Variants in RPTOR observed in about 807,000 individuals in gnomAD.
RPTOR encodes the protein regulatory-associated protein of mTOR.
Under a neutral mutation model 169.9 loss-of-function variants are expected in RPTOR, and 21 were observed. That is an observed-to-expected ratio of 0.12 (90% CI 0.09 to 0.18). RPTOR has a LOEUF of 0.18. Among genes scored for constraint, RPTOR ranks in the 10% least tolerant of loss-of-function variants. RPTOR has a pLI of 1.00. For missense variants in RPTOR, 1,133 were observed against 1,855.9 expected, an observed-to-expected ratio of 0.61 and a Z score of 7.16; for synonymous variants, 732 against 753.2, an observed-to-expected ratio of 0.97 and a Z score of 0.46.
chr17:80,863,259 C>T (rs1181913056), intron 13 of RPTOR, among the ~76,000 whole-genome samples: 2 of 152,148 alleles, frequency 1.3e-5, no homozygotes, highest in Non-Finnish European at 2.9e-5. Context: ...AGCCGTCTGT[C>T]CAGGATTCTC....
chr17:80,898,126 G>T (rs568204786), intron 20 of RPTOR, among the ~76,000 whole-genome samples: 7 of 152,278 alleles, frequency 4.6e-5, no homozygotes, highest in Non-Finnish European at 7.4e-5. Flanking sequence ...CTTTAATGCT[G>T]ATAGGATTAT....
At chr17:80,691,109 A>G (rs964595749) in intron 3 of RPTOR, among the ~76,000 whole-genome samples, 1 of 152,180 alleles carries the variant, frequency 6.6e-6, no homozygotes, top group African/African-American at 2.4e-5. Context: ...TTATTTGTTA[A>G]CTGGAGTATC....
At chr17:80,602,193 G>C (rs1479173557) in intron 1 of RPTOR, among the ~76,000 whole-genome samples, 1 of 67,862 alleles carries the variant, frequency 1.5e-5, no homozygotes, top group Admixed American at 1.1e-4. Flanking sequence ...GGCCGGGCGG[G>C]GGGCTGACCC....
rs2060260266 is a variant in RPTOR at position 80,695,487 on chromosome 17, C to T, written c.349-12354C>T. Reference sequence around the variant, plus strand: ...CTGTTACAGAGGGGCAGGTGGGTGGCTCACGTGTGGGCTCACCTGCGTCAC... The same window carrying T: ...CTGTTACAGAGGGGCAGGTGGGTGGTTCACGTGTGGGCTCACCTGCGTCAC... On this transcript the variant is annotated intron_variant, in intron 3 of 33. Transcript: ENST00000306801. This position sits in a 1 kb window ranked among gnomAD's most constrained non-coding sequence, Gnocchi z 4.9. Among the ~76,000 whole-genome samples, 1 of 152,140 alleles carries T rather than the reference C, an allele frequency of 6.6e-6. No individual in the cohort carries two copies. The highest frequency in any genetic ancestry group is 6.5e-5 in the Admixed American group (1 of 15,278).
chr17:80,685,199 G>GCACCTCATTCGGGGT, intron 3 of RPTOR, among the ~76,000 whole-genome samples: 1 of 151,262 alleles, frequency 6.6e-6, no homozygotes, highest in African/African-American at 2.4e-5. Context: ...ATTCAGGGTC[G>GCACCTCATTCGGGGT]CTTGTTGCGT....
rs2067408225 is a variant in RPTOR, at chr17:80,823,673, ACACAC to A, written c.1136+451_1136+455del. The A allele has an allele frequency of 1.3e-5, 2 of 153,530 alleles. No individual in the cohort carries two copies. Among genetic ancestry groups the A allele is most frequent in the African/African-American group, 2.6e-5 (1 of 38,556 alleles). 9.5% of individuals were successfully genotyped at this position (153,530 alleles called of 1,614,324 possible). A position where few individuals can be genotyped will look rare whatever the true frequency, so the allele number is the denominator to read the frequency against. ...CACACACACACACACACACACACACACACACAACGCTCATAAGTGTAATCCTTTAT... is the reference window on the plus strand; with the variant it reads ...CACACACACACACACACACACACACAAACGCTCATAAGTGTAATCCTTTAT... On this transcript the variant is annotated intron_variant, in intron 9 of 33. Transcript: ENST00000306801. This position sits in a 1 kb window ranked among gnomAD's most constrained non-coding sequence, Gnocchi z 4.5.
intron 6 of RPTOR, among the ~76,000 whole-genome samples, chr17:80,764,265 A>C (rs2066764778): frequency 6.7e-6 from 1 of 148,172 alleles, no homozygotes. Flanking sequence ...GCACCCATTA[A>C]CTCGTCATTT....
At chr17:80,922,088 G>A (rs901231210) in intron 21 of RPTOR, among the ~76,000 whole-genome samples, 1 of 152,228 alleles carries the variant, frequency 6.6e-6, no homozygotes, top group Admixed American at 6.5e-5. Context: ...GCCTCCTGAA[G>A]CACACGGGGG....
chr17:80,620,629 G>A (rs1329080273), intron 1 of RPTOR, among the ~76,000 whole-genome samples: 5 of 152,338 alleles, frequency 3.3e-5, no homozygotes, highest in African/African-American at 1.2e-4. Context: ...AGCTGGGCAT[G>A]CTGGTAGGCG....
At chr17:80,912,526 G>A (rs2068625034) in intron 21 of RPTOR, among the ~76,000 whole-genome samples, 1 of 152,076 alleles carries the variant, frequency 6.6e-6, no homozygotes, top group African/African-American at 2.4e-5. Flanking sequence ...GGACTATTAA[G>A]TGCGTTCCTG....
rs1401541107 is a variant in RPTOR, at chr17:80,708,515, C to G, written c.507+516C>G. Among the ~76,000 whole-genome samples, 3 of 152,244 alleles carry G rather than the reference C, an allele frequency of 2.0e-5. No individual in the cohort carries two copies. Among genetic ancestry groups the G allele is most frequent in the African/African-American group, 7.2e-5 (3 of 41,454 alleles). On this transcript the variant is annotated intron_variant, in intron 4 of 33. Coordinates refer to ENST00000306801, the MANE Select transcript of RPTOR (RefSeq NM_020761.3). This position sits in a 1 kb window ranked among gnomAD's most constrained non-coding sequence, Gnocchi z 4.2. ...ACCAGATGAAGTGCTTGCTCCCCTT[C>G]TGTAGCTGTTGCTGTGGGTGGTGGG...
At chr17:80,840,015 T>A (rs914118310) in intron 10 of RPTOR, among the ~76,000 whole-genome samples, 1 of 152,178 alleles carries the variant, frequency 6.6e-6, no homozygotes, top group African/African-American at 2.4e-5. Flanking sequence ...TCCTTTTGTT[T>A]TTAATCTTAT....
intron 33 of RPTOR, among the ~76,000 whole-genome samples, chr17:80,963,342 G>A (rs1009455880): frequency 5.3e-5 from 8 of 151,994 alleles, no homozygotes; most frequent in African/African-American, 1.9e-4. Flanking sequence ...AGCCATCCCT[G>A]GGGACCTCCA....
rs2065253722 is a variant in RPTOR at position 80,609,407 on chromosome 17, G to C, written c.163-16284G>C. Among the ~76,000 whole-genome samples the C allele has an allele frequency of 6.6e-6, 1 of 152,176 alleles. No individual in the cohort carries two copies. The highest frequency in any genetic ancestry group is 2.1e-4 in the South Asian group (1 of 4,830). On this transcript the variant is annotated intron_variant, in intron 1 of 33. Transcript: ENST00000306801. This position sits in a 1 kb window ranked among gnomAD's most constrained non-coding sequence, Gnocchi z 4.8. ...GTGGCTGGAAGCTTCCAGATTAGTA[G>C]TTTAAGCCAGAAAACAATGTTGATA...
At chr17:80,882,550 T>C (rs1418671867) in intron 14 of RPTOR, among the ~76,000 whole-genome samples, 1 of 152,078 alleles carries the variant, frequency 6.6e-6, no homozygotes, top group Non-Finnish European at 1.5e-5. Context: ...TGCACCCAGC[T>C]CAGTCACCAC....
At chr17:80,956,391 C>T (rs2069249549) in intron 28 of RPTOR, among the ~76,000 whole-genome samples, 1 of 152,242 alleles carries the variant, frequency 6.6e-6, no homozygotes. Context: ...GTGGGGGTTG[C>T]TCTGCTCTGT....
chr17:80,783,021 G>A (rs1036371541), intron 6 of RPTOR, among the ~76,000 whole-genome samples: 1 of 152,220 alleles, frequency 6.6e-6, no homozygotes, highest in Non-Finnish European at 1.5e-5. Context: ...TGTGTTTCCT[G>A]TGGTTGATGC....
intron 21 of RPTOR, among the ~76,000 whole-genome samples, chr17:80,922,482 C>G (rs1364573642): frequency 6.6e-6 from 1 of 152,234 alleles, no homozygotes; most frequent in African/African-American, 2.4e-5. Flanking sequence ...GACATCCCGG[C>G]TCACACGGCC....
At chr17:80,896,258 G>A (rs1333593508) in intron 20 of RPTOR, among the ~76,000 whole-genome samples, 3 of 151,810 alleles carry the variant, frequency 2.0e-5, no homozygotes, top group Non-Finnish European at 4.4e-5. Context: ...CCTCCCGCCA[G>A]TGCTTCTCAG....
Sources: gnomAD v4.1 joint callset for allele counts (sites outside exome capture counted in the v4.1 genomes callset) on GRCh38, gnomAD v4.1.1 for gene constraint, Gnocchi (gnomAD v3.1) non-coding constraint, MANE v1.5 for transcripts, NCBI Gene and HGNC (gene_info 2026-07-23, HGNC 2026-07-21) for gene names.